Variants in GNAQ observed in about 807,000 individuals in gnomAD.
GNAQ encodes the protein G protein subunit alpha q.
A neutral mutation model predicts 43.9 loss-of-function variants in GNAQ; 8 were observed. The observed-to-expected ratio is 0.18, with a 90% CI of 0.11 to 0.33. The LOEUF (loss-of-function observed/expected upper bound fraction) is 0.33, where lower values mean the gene tolerates loss of function less well. Among genes scored for constraint, GNAQ ranks in the 10% least tolerant of loss-of-function variants. The probability of loss-of-function intolerance (pLI) is 1.00; values close to 1 mark genes in which losing one functional copy is unlikely to be tolerated. For synonymous variants in GNAQ, 155 were observed against 170.7 expected, an observed-to-expected ratio of 0.91 and a Z score of 0.71; for missense variants, 158 against 450.8, an observed-to-expected ratio of 0.35 and a Z score of 5.88.
chr9:77,795,661 A>T (rs1360437493), intron 4 of GNAQ, among the ~76,000 whole-genome samples: 1 of 152,198 alleles, frequency 6.6e-6, no homozygotes, highest in Non-Finnish European at 1.5e-5. Flanking sequence ...GCATTCAGGG[A>T]GATCCACGTA....
At position 77,960,624 on chromosome 9, in the gene GNAQ, C is replaced by T. The variant is rs553215170; in HGVS notation, c.137-38279G>A. ...TAGGAATTAGCTAGCCCAGAGAGGG[C>T]GGAGTCTTTAGGATTAGCAAAGCCC... On this transcript the variant is annotated intron_variant, in intron 1 of 6. Transcript: ENST00000286548. 8.5e-5 allele frequency among the ~76,000 whole-genome samples: 13 copies of T among 152,108 alleles called. No individual in the cohort carries two copies. In the East Asian group the frequency reaches 1.4e-3, roughly 16 times the overall value.
chr9:78,030,988 G>A (rs1824050163), intron 1 of GNAQ, 112 bp downstream of exon 1: 1 of 744,970 alleles, frequency 1.3e-6, no homozygotes, highest in Non-Finnish European at 1.8e-6. Flanking sequence ...CGGGAGGGTA[G>A]GGGCGAACCG....
At chr9:77,947,894 A>C (rs7854006) in intron 1 of GNAQ, among the ~76,000 whole-genome samples, 2 of 151,980 alleles carry the variant, frequency 1.3e-5, no homozygotes, top group Non-Finnish European at 2.9e-5. Context: ...GCTACTTAAC[A>C]GCTGTGGGAC....
chr9:77,830,837 CCACACACACA>C (rs5898566), intron 2 of GNAQ, among the ~76,000 whole-genome samples: 2 of 150,702 alleles, frequency 1.3e-5, no homozygotes, highest in Non-Finnish European at 3.0e-5. Context: ...AGGTGTTATA[CCACACACACA>C]CACACACACA....
chr9:77,763,660 G>A (rs1270976972), intron 5 of GNAQ, among the ~76,000 whole-genome samples: 1 of 152,116 alleles, frequency 6.6e-6, no homozygotes, highest in Non-Finnish European at 1.5e-5. Context: ...TCATTACAAG[G>A]GTAAATAAAA....
rs565977656 is a variant in GNAQ, at chr9:77,886,772, T to C, written c.321+35389A>G. Reference sequence around the variant, plus strand: ...AAGCTACTGGCTCATGAACCTTTTATCTATCTGGCTATGGATACAGCTTAG... The same window carrying C: ...AAGCTACTGGCTCATGAACCTTTTACCTATCTGGCTATGGATACAGCTTAG... On this transcript the variant is annotated intron_variant, in intron 2 of 6. Transcript: ENST00000286548. Among the ~76,000 whole-genome samples the C allele has an allele frequency of 8.5e-5, 13 of 152,174 alleles. No individual in the cohort carries two copies. The East Asian group carries it at 2.3e-3, about 27-fold the overall frequency.
chr9:77,735,146 G>A (rs989621241), intron 5 of GNAQ, among the ~76,000 whole-genome samples: 5 of 152,096 alleles, frequency 3.3e-5, no homozygotes, highest in Admixed American at 6.5e-5. Context: ...ATACAAGACC[G>A]TTTTAAATAA....
intron 2 of GNAQ, among the ~76,000 whole-genome samples, chr9:77,894,065 A>AAATGTG (rs1414075205): frequency 1.3e-5 from 2 of 151,982 alleles, no homozygotes; most frequent in Non-Finnish European, 2.9e-5. Context: ...GAGGTGAGGA[A>AAATGTG]AATGTGTCCT....
Position 77,797,642 on chromosome 9 carries a change from A to C in GNAQ, c.483T>G (p.Leu161=). The part of the protein sequence containing the change: ...YQLSDSTKYY[L]NDLDRVADPA... ...GGTCAGCTACGCGGTCCAAGTCATT[A>C]AGATAGCTAGAGGAGGGAAGACACA... The change falls in exon 4 of 7, where the codon CTT becomes CTG. Residue 161 remains leucine (L), a synonymous_variant. Coordinates refer to ENST00000286548, the MANE Select transcript of GNAQ (RefSeq NM_002072.5). 6.2e-7 allele frequency: 1 copy of C among 1,613,634 alleles called. No homozygotes were observed. Among genetic ancestry groups the C allele is most frequent in the Non-Finnish European group, 8.5e-7 (1 of 1,179,728 alleles).
At chr9:78,018,555 A>T (rs887446483) in intron 1 of GNAQ, among the ~76,000 whole-genome samples, 33 of 152,240 alleles carry the variant, frequency 2.2e-4, no homozygotes, top group African/African-American at 8.0e-4. Flanking sequence ...AAAGACTAGC[A>T]TGAAAACAAC....
intron 1 of GNAQ, among the ~76,000 whole-genome samples, chr9:77,924,622 T>C (rs1399582687): frequency 2.0e-5 from 3 of 152,096 alleles, no homozygotes; most frequent in Non-Finnish European, 4.4e-5. Context: ...TGAAATCACG[T>C]TGGGCAAGAG....
chr9:77,734,206 C>G lies in GNAQ; in HGVS notation c.736-5539G>C, dbSNP rs536147433. Among the ~76,000 whole-genome samples the G allele has an allele frequency of 5.3e-5, 8 of 152,306 alleles. 1 individual carries two copies. In the South Asian group the frequency reaches 1.7e-3, roughly 32 times the overall value. On this transcript the variant is annotated intron_variant, in intron 5 of 6. Transcript: ENST00000286548. The stretch of plus-strand genomic sequence containing the variant: ...GAGATTTGAGTATCCATTTTAATAA[C>G]TTTTGCAACTCCTCATTATCTTGCC...
At chr9:77,793,644 C>T (rs1826611345) in intron 5 of GNAQ, among the ~76,000 whole-genome samples, 1 of 152,044 alleles carries the variant, frequency 6.6e-6, no homozygotes, top group African/African-American at 2.4e-5. Flanking sequence ...TATTAACCTA[C>T]CACACTGCAA....
At chr9:77,752,980 G>C (rs998922332) in intron 5 of GNAQ, among the ~76,000 whole-genome samples, 12 of 151,396 alleles carry the variant, frequency 7.9e-5, no homozygotes, top group Admixed American at 7.9e-4. Flanking sequence ...CCAGCTACTC[G>C]GGAGGCTGAG....
At chr9:77,898,535 A>C (rs1295829788) in intron 2 of GNAQ, among the ~76,000 whole-genome samples, 5 of 152,190 alleles carry the variant, frequency 3.3e-5, no homozygotes, top group African/African-American at 1.2e-4. Context: ...TGTTAGTTAT[A>C]GATGCACTGC....
intron 2 of GNAQ, among the ~76,000 whole-genome samples, chr9:77,863,232 A>AGGG (rs1827889410): frequency 8.4e-6 from 1 of 119,182 alleles, no homozygotes; most frequent in African/African-American, 2.7e-5. Flanking sequence ...GGAAGGAAGA[A>AGGG]AGGAAGGAAG....
At chr9:77,996,898 T>C (rs560835640) in intron 1 of GNAQ, among the ~76,000 whole-genome samples, 2 of 152,322 alleles carry the variant, frequency 1.3e-5, no homozygotes, top group South Asian at 4.1e-4. Context: ...TCTTCCCTTC[T>C]ACGGATATTA....
intron 2 of GNAQ, among the ~76,000 whole-genome samples, chr9:77,888,869 T>G (rs1344403999): frequency 6.6e-6 from 1 of 152,106 alleles, no homozygotes; most frequent in African/African-American, 2.4e-5. Context: ...AGCCATTTGC[T>G]CCCTCAGAGT....
At chr9:77,870,457 CTGGGA>C (rs1828018872) in intron 2 of GNAQ, among the ~76,000 whole-genome samples, 4 of 151,122 alleles carry the variant, frequency 2.6e-5, no homozygotes, top group Non-Finnish European at 4.4e-5. Flanking sequence ...CAGCCTGTAG[CTGGGA>C]CTACAGGCGC....
Sources: allele counts gnomAD v4.1 joint callset (sites outside exome capture counted in the v4.1 genomes callset), GRCh38; gene constraint gnomAD v4.1.1; transcripts MANE v1.5; gene names NCBI Gene and HGNC (gene_info 2026-07-23, HGNC 2026-07-21).